RARS2: variants seen among roughly 807,000 people sequenced by gnomAD.
RARS2 encodes the protein probable arginine--tRNA ligase, mitochondrial.
A neutral mutation model predicts 88.5 loss-of-function variants in RARS2; 67 were observed. That is an observed-to-expected ratio of 0.76 (90% CI 0.62 to 0.93). The LOEUF (loss-of-function observed/expected upper bound fraction) is 0.93. RARS2 is among the 40% of genes least tolerant of loss of function. The pLI, the probability that RARS2 is intolerant of heterozygous loss-of-function variation, is 0.00. For synonymous variants in RARS2, 239 were observed against 230.3 expected (o/e 1.04, Z -0.34); for missense variants, 664 against 684.2 (o/e 0.97, Z 0.33).
intron 7 of RARS2, among the ~76,000 whole-genome samples, chr6:87,543,279 G>C (rs112851435): frequency 0.01 from 1,564 of 151,864 alleles, 25 homozygotes; most frequent in African/African-American, 0.034. Flanking sequence ...TTCCAGCCTG[G>C]GCAACAAGAG....
chr6:87,534,843 G>T (rs1270939721), intron 8 of RARS2, among the ~76,000 whole-genome samples: 2 of 152,206 alleles, frequency 1.3e-5, no homozygotes, highest in African/African-American at 4.8e-5. Flanking sequence ...TCTACATAGC[G>T]ATCTTGTCTC....
intron 2 of RARS2, 83 bp downstream of exon 2, chr6:87,569,434 A>G: frequency 9.6e-7 from 1 of 1,041,112 alleles, no homozygotes; most frequent in East Asian, 2.4e-5. Flanking sequence ...CAAACTGAAG[A>G]GTAACAATTC....
chr6:87,560,568 AT>A (rs947886343), intron 4 of RARS2, among the ~76,000 whole-genome samples: 3 of 152,082 alleles, frequency 2.0e-5, no homozygotes, highest in South Asian at 4.1e-4. Flanking sequence ...CAAGAATCGA[AT>A]TTTTTTTCTT....
At chr6:87,568,315 T>C (rs1193632453) in intron 2 of RARS2, among the ~76,000 whole-genome samples, 1 of 152,118 alleles carries the variant, frequency 6.6e-6, no homozygotes, top group African/African-American at 2.4e-5. Flanking sequence ...CTGGGCAACA[T>C]GACTAAACCC....
chr6:87,529,315 A>G (rs1776711069), intron 10 of RARS2, among the ~76,000 whole-genome samples: 1 of 152,176 alleles, frequency 6.6e-6, no homozygotes, highest in African/African-American at 2.4e-5. Flanking sequence ...TCTGTGCTTC[A>G]GTTCCCAGCC....
intron 1 of RARS2, among the ~76,000 whole-genome samples, chr6:87,581,857 G>GT (rs1185694442): frequency 6.6e-6 from 1 of 152,122 alleles, no homozygotes; most frequent in East Asian, 1.9e-4. Context: ...GCAGTGTTTG[G>GT]TTTTTTGTTC....
chr6:87,532,217 T>C (rs1301219704), intron 8 of RARS2, among the ~76,000 whole-genome samples: 1 of 152,028 alleles, frequency 6.6e-6, no homozygotes, highest in Non-Finnish European at 1.5e-5. Flanking sequence ...AAATTACCTT[T>C]TTTTTTCCCC....
chr6:87,515,030 G>A lies in RARS2; in HGVS notation c.1587-10C>T, dbSNP rs531179961. 1.1e-5 allele frequency: 18 copies of A among 1,607,114 alleles called. No individual in the cohort carries two copies. Among genetic ancestry groups the A allele is most frequent in the Non-Finnish European group, 1.4e-5 (17 of 1,173,760 alleles). ...CACAGCTGCAAGATGACTGAAACAG[G>A]AAGAGAGAAATCACGATAGTACCAG... On this transcript the variant is annotated splice_polypyrimidine_tract_variant and intron_variant, in intron 18 of 19. Transcript: ENST00000369536.
chr6:87,521,839 T>A (rs1051440212), intron 11 of RARS2, among the ~76,000 whole-genome samples: 7 of 152,204 alleles, frequency 4.6e-5, no homozygotes, highest in Non-Finnish European at 8.8e-5. Context: ...AAGTGTCTTG[T>A]AGATAAATGT....
intron 4 of RARS2, among the ~76,000 whole-genome samples, chr6:87,561,486 T>C (rs1399683283): frequency 6.6e-6 from 1 of 152,250 alleles, no homozygotes; most frequent in Non-Finnish European, 1.5e-5. Context: ...AACTTGAATC[T>C]GTGCTCCTCA....
rs986542468 is a variant in RARS2 at position 87,555,021 on chromosome 6, G to A, written c.395+387C>T. 7.2e-5 allele frequency among the ~76,000 whole-genome samples: 11 copies of A among 151,858 alleles called. 1 individual carries two copies. Among genetic ancestry groups the A allele is most frequent in the Admixed American group, 7.2e-4 (11 of 15,220 alleles). On this transcript the variant is annotated intron_variant, in intron 5 of 19. Coordinates refer to ENST00000369536, the MANE Select transcript of RARS2 (RefSeq NM_020320.5). ...CAGGAGGCTGAGGCAGGAGAATGGC[G>A]TGAACCCAGGAGGTGGAGCTTGCAG...
chr6:87,522,734 A>G (rs1421098319), intron 11 of RARS2, among the ~76,000 whole-genome samples: 1 of 151,970 alleles, frequency 6.6e-6, no homozygotes, highest in Non-Finnish European at 1.5e-5. Context: ...CAGGTGATCT[A>G]CCCTCCTCGT....
intron 1 of RARS2, among the ~76,000 whole-genome samples, chr6:87,588,127 T>C (rs1250319118): frequency 1.3e-5 from 2 of 152,188 alleles, no homozygotes; most frequent in African/African-American, 4.8e-5. Context: ...ACACAATTTG[T>C]TTCTCATCAT....
chr6:87,550,709 GA>G (rs5878036), intron 5 of RARS2, among the ~76,000 whole-genome samples: 15,405 of 71,832 alleles, frequency 0.21, 1,083 homozygotes, highest in African/African-American at 0.32. Flanking sequence ...GCCGATTTAA[GA>G]AAAAAAAAAA....
chr6:87,586,008 G>C (rs986559236), intron 1 of RARS2, among the ~76,000 whole-genome samples: 2 of 152,202 alleles, frequency 1.3e-5, no homozygotes, highest in African/African-American at 4.8e-5. Context: ...GGCATGAATG[G>C]AAGTTGAAGA....
chr6:87,561,063 G>A (rs1312067694), intron 4 of RARS2, among the ~76,000 whole-genome samples: 3 of 151,998 alleles, frequency 2.0e-5, no homozygotes, highest in Non-Finnish European at 4.4e-5. Flanking sequence ...CATTATTTTA[G>A]AGTATTATCC....
At chr6:87,579,158 T>G (rs1293262335) in intron 1 of RARS2, among the ~76,000 whole-genome samples, 1 of 152,004 alleles carries the variant, frequency 6.6e-6, no homozygotes, top group East Asian at 1.9e-4. Context: ...AGAAGCTGGA[T>G]TTAAACCTGA....
chr6:87,552,339 C>G (rs1314877696), intron 5 of RARS2, among the ~76,000 whole-genome samples: 1 of 152,178 alleles, frequency 6.6e-6, no homozygotes, highest in East Asian at 1.9e-4. Flanking sequence ...TTTGTCTCTA[C>G]TTTGAAATCA....
At chr6:87,548,480 A>T in intron 6 of RARS2, 111 bp downstream of exon 6, 2 of 1,075,740 alleles carry the variant, frequency 1.9e-6, no homozygotes, top group East Asian at 2.7e-5. Flanking sequence ...ATATAAATTT[A>T]AACTTTTTGT....
Sources: allele counts gnomAD v4.1 joint callset (sites outside exome capture counted in the v4.1 genomes callset), GRCh38; gene constraint gnomAD v4.1.1; transcripts MANE v1.5; gene names NCBI Gene and HGNC (gene_info 2026-07-23, HGNC 2026-07-21).